SRPRB: variants seen among roughly 807,000 people sequenced by gnomAD.
The protein encoded by SRPRB is SRP receptor subunit beta, also known as signal recognition particle receptor subunit beta.
A neutral mutation model predicts 31.9 loss-of-function variants in SRPRB; 20 were observed. That is an observed-to-expected ratio of 0.63 (90% CI 0.44 to 0.91). SRPRB has a LOEUF of 0.91. SRPRB is among the 40% of genes least tolerant of loss of function. The probability of loss-of-function intolerance (pLI) is 0.00; values close to 1 mark genes in which losing one functional copy is unlikely to be tolerated. For missense variants in SRPRB, 321 were observed against 324.9 expected, an observed-to-expected ratio of 0.99 and a Z score of 0.09; for synonymous variants, 146 against 132.8, an observed-to-expected ratio of 1.10 and a Z score of -0.68.
At chr3:133,815,511 G>T (rs1293962012) in intron 4 of SRPRB, 79 bp from the exon 5 acceptor site, 8 of 1,558,664 alleles carry the variant, frequency 5.1e-6, no homozygotes, top group African/African-American at 1.4e-5. Context: ...TGACTTTGAA[G>T]AAGTTCAGGA....
In SRPRB at chr3:133,820,067, G is replaced by C. The variant is rs1935444212; in HGVS notation, c.*301G>C. The C allele has an allele frequency of 3.0e-6, 1 of 337,364 alleles. No homozygotes were observed. The highest frequency in any genetic ancestry group is 5.6e-6 in the Non-Finnish European group (1 of 179,506). The allele number at this position is 337,364 out of a possible 1,614,324, so 20.9% of individuals were successfully genotyped here. A position where few individuals can be genotyped will look rare whatever the true frequency, so the allele number is the denominator to read the frequency against. ...TGTGACAACAGGCAGACTCCACACA[G>C]AGAGGATATGATGAGAATATGGCCA... On this transcript the variant is annotated 3_prime_UTR_variant, in exon 7 of 7. Transcript: ENST00000678299.
At chr3:133,812,194 T>C (rs749063037) in intron 4 of SRPRB, among the ~76,000 whole-genome samples, 3 of 152,254 alleles carry the variant, frequency 2.0e-5, no homozygotes, top group Non-Finnish European at 4.4e-5. Context: ...ATAATGTCTT[T>C]AATTGGCAGC....
At chr3:133,826,575 T>C (rs2107982018), downstream of SRPRB, 1 of 152,802 alleles carries the variant, frequency 6.5e-6, no homozygotes, top group East Asian at 1.9e-4. Context: ...TCGAGGTAAG[T>C]AAGCACTCTT....
chr3:133,826,263 C>G (rs571447377), downstream of SRPRB: 4 of 152,230 alleles, frequency 2.6e-5, no homozygotes, highest in Non-Finnish European at 5.9e-5. Flanking sequence ...AAAGGCAGGA[C>G]TCACTAAGGC....
chr3:133,822,749 T>G (rs562422986), downstream of SRPRB, among the ~76,000 whole-genome samples: 23 of 152,356 alleles, frequency 1.5e-4, no homozygotes, highest in African/African-American at 5.1e-4. Flanking sequence ...AGTTGGCTCA[T>G]GCCTGTCCTC....
chr3:133,804,479 C>T (rs1935114624), upstream of SRPRB, among the ~76,000 whole-genome samples: 1 of 152,154 alleles, frequency 6.6e-6, no homozygotes, highest in African/African-American at 2.4e-5. Flanking sequence ...GAGTCAGATT[C>T]CATAATTGTT....
upstream of SRPRB, among the ~76,000 whole-genome samples, chr3:133,803,259 A>G (rs1384046122): frequency 6.6e-6 from 1 of 151,976 alleles, no homozygotes; most frequent in Non-Finnish European, 1.5e-5. Context: ...TCTACACTTG[A>G]TCTTAGCCAA....
chr3:133,806,692 C>T lies in SRPRB; in HGVS notation c.238C>T (p.Leu80Phe). The part of the protein sequence containing the change: ...VGLCDSGKTL[L>F]FVRLLTGLYR... ...CCTTTGTGATTCCGGGAAAACGTTG[C>T]TCTTTGTCAGGGTAAATGATTTCAT... Residue 80 changes from leucine to phenylalanine, a missense_variant, in exon 2 of 7, where the codon CTC becomes TTC. Physicochemically the swap from Leu to Phe is conservative, Grantham distance 22 (BLOSUM62 0). Transcript: ENST00000678299. The T allele has an allele frequency of 6.2e-7, 1 of 1,613,972 alleles. No individual in the cohort carries two copies. Among genetic ancestry groups the T allele is most frequent in the Non-Finnish European group, 8.5e-7 (1 of 1,179,846 alleles).
At chr3:133,824,909 C>T (rs577215707), downstream of SRPRB, 3 of 152,120 alleles carry the variant, frequency 2.0e-5, no homozygotes, top group South Asian at 6.2e-4. Context: ...TGGTTCTGAT[C>T]ACTCCTAACT....
chr3:133,810,026 C>T (rs909787183), intron 3 of SRPRB, among the ~76,000 whole-genome samples: 5 of 152,050 alleles, frequency 3.3e-5, no homozygotes, highest in African/African-American at 9.7e-5. Context: ...CTTACGTTTT[C>T]GATCTAATCT....
chr3:133,799,422 T>A (rs1345045448), intron 1 of SRPRB, among the ~76,000 whole-genome samples: 2 of 152,158 alleles, frequency 1.3e-5, no homozygotes. Context: ...CATAATCAGA[T>A]GTATAGTATA....
intron 5 of SRPRB, among the ~76,000 whole-genome samples, 185 bp downstream of exon 5, chr3:133,815,911 C>G (rs892032414): frequency 1.3e-5 from 2 of 152,100 alleles, no homozygotes; most frequent in African/African-American, 4.8e-5. Context: ...AGTCTTCTAA[C>G]CAGAAGACCA....
chr3:133,800,734 A>G (rs1029995059), intron 1 of SRPRB, among the ~76,000 whole-genome samples: 1 of 152,202 alleles, frequency 6.6e-6, no homozygotes, highest in African/African-American at 2.4e-5. Flanking sequence ...AGGGATGTGA[A>G]GCAGGAGGAT....
At chr3:133,808,722 C>T (rs1255615237) in intron 3 of SRPRB, among the ~76,000 whole-genome samples, 2 of 151,636 alleles carry the variant, frequency 1.3e-5, no homozygotes, top group Non-Finnish European at 2.9e-5. Context: ...GAAATCCTGT[C>T]TCTACTAAAA....
intron 6 of SRPRB, 66 bp downstream of exon 6, chr3:133,816,998 C>G: frequency 7.7e-7 from 1 of 1,297,258 alleles, no homozygotes; most frequent in South Asian, 1.5e-5. Context: ...GCAGCATATT[C>G]ATGTTTCTTT....
chr3:133,806,124 AC>A, intron 1 of SRPRB, 122 bp downstream of exon 1: 1 of 1,321,110 alleles, frequency 7.6e-7, no homozygotes, highest in Non-Finnish European at 1.0e-6. Context: ...GGAGGGTGAG[AC>A]CCACCCAGTC....
At chr3:133,827,508 G>C, downstream of SRPRB, 1 of 201,266 alleles carries the variant, frequency 5.0e-6, no homozygotes, top group Non-Finnish European at 1.0e-5. Flanking sequence ...ATCAAAAATG[G>C]AAGAGATGGC....
intron 3 of SRPRB, among the ~76,000 whole-genome samples, chr3:133,809,164 T>C (rs1457466396): frequency 6.6e-6 from 1 of 151,984 alleles, no homozygotes; most frequent in East Asian, 2.0e-4. Flanking sequence ...GGCTAATTTT[T>C]GTATTTTTAG....
At chr3:133,815,464 C>T (rs1935349439) in intron 4 of SRPRB, 126 bp from the exon 5 acceptor site, 9 of 1,083,482 alleles carry the variant, frequency 8.3e-6, no homozygotes, top group Admixed American at 1.9e-5. Flanking sequence ...TATGCACAGA[C>T]CTGCATGTGT....
Sources: gnomAD v4.1 joint callset for allele counts (sites outside exome capture counted in the v4.1 genomes callset) on GRCh38, gnomAD v4.1.1 for gene constraint, MANE v1.5 for transcripts, NCBI Gene and HGNC (gene_info 2026-07-23, HGNC 2026-07-21) for gene names.